AKAP6: variants seen among roughly 807,000 people sequenced by gnomAD.
AKAP6 encodes A-kinase anchoring protein 6.
A neutral mutation model predicts 188.5 loss-of-function variants in AKAP6; 58 were observed. The observed-to-expected ratio is 0.31, with a 90% CI of 0.25 to 0.38. AKAP6 has a LOEUF of 0.38. Ranked by LOEUF, AKAP6 falls within the 10% of genes least tolerant of loss-of-function variation. The pLI is 1.00. For missense variants in AKAP6, 2,710 were observed against 2,740.0 expected, an observed-to-expected ratio of 0.99 and a Z score of 0.24; for synonymous variants, 989 against 998.6, an observed-to-expected ratio of 0.99 and a Z score of 0.18.
chr14:32,598,359 T>C (rs1276290953), intron 5 of AKAP6, among the ~76,000 whole-genome samples: 1 of 152,086 alleles, frequency 6.6e-6, no homozygotes, highest in African/African-American at 2.4e-5. Context: ...GAAATGAATT[T>C]TCACCCCCCA....
At chr14:32,487,234 G>T (rs536632878) in intron 2 of AKAP6, among the ~76,000 whole-genome samples, 1 of 152,184 alleles carries the variant, frequency 6.6e-6, no homozygotes, top group Non-Finnish European at 1.5e-5. Flanking sequence ...TTTTATTGAA[G>T]ATTTTCACAT....
intron 12 of AKAP6, among the ~76,000 whole-genome samples, chr14:32,792,059 C>T (rs367684656): frequency 1.7e-4 from 26 of 152,224 alleles, no homozygotes; most frequent in South Asian, 1.7e-3. Context: ...TAGCATGATG[C>T]CTCTAGCTTT....
At chr14:32,764,904 A>G (rs563898603) in intron 11 of AKAP6, among the ~76,000 whole-genome samples, 2 of 151,522 alleles carry the variant, frequency 1.3e-5, no homozygotes, top group East Asian at 3.9e-4. Context: ...CCCAATGATT[A>G]TAGGCTATTA....
At chr14:32,796,822 C>T (rs895010317) in intron 12 of AKAP6, among the ~76,000 whole-genome samples, 2 of 152,158 alleles carry the variant, frequency 1.3e-5, no homozygotes, top group African/African-American at 2.4e-5. Context: ...ACCAAGAGAG[C>T]TTCTGCATAG....
intron 2 of AKAP6, among the ~76,000 whole-genome samples, chr14:32,488,910 C>T (rs577158925): frequency 3.3e-4 from 50 of 152,318 alleles, no homozygotes; most frequent in African/African-American, 1.2e-3. Flanking sequence ...CACCCGCCTT[C>T]TGCGTTGGTC....
At chr14:32,528,435 CTT>C (rs1205457419) in intron 2 of AKAP6, among the ~76,000 whole-genome samples, 1 of 152,034 alleles carries the variant, frequency 6.6e-6, no homozygotes, top group Non-Finnish European at 1.5e-5. Flanking sequence ...AAAAGACTGT[CTT>C]TTCTCTATTG....
intron 7 of AKAP6, among the ~76,000 whole-genome samples, chr14:32,649,844 T>C (rs888302190): frequency 3.3e-5 from 5 of 152,110 alleles, no homozygotes; most frequent in African/African-American, 1.2e-4. Flanking sequence ...GTTTGGTAAA[T>C]GGTTTTAAGT....
chr14:32,708,044 G>C (rs1890886937), intron 9 of AKAP6, among the ~76,000 whole-genome samples: 1 of 151,986 alleles, frequency 6.6e-6, no homozygotes, highest in East Asian at 1.9e-4. Context: ...TCAAACCATA[G>C]TATTCTCTGG....
At chr14:32,827,350 G>GTT (rs537878561) in intron 13 of AKAP6, among the ~76,000 whole-genome samples, 440 of 142,486 alleles carry the variant, frequency 3.1e-3, no homozygotes, top group African/African-American at 0.01. Flanking sequence ...CATTTGCTTG[G>GTT]TTTTTTTTTT....
chr14:32,757,304 C>T (rs929912338), intron 11 of AKAP6, among the ~76,000 whole-genome samples: 1 of 152,092 alleles, frequency 6.6e-6, no homozygotes, highest in Non-Finnish European at 1.5e-5. Flanking sequence ...ACTGGAAAGT[C>T]CTATTTTGCC....
intron 7 of AKAP6, among the ~76,000 whole-genome samples, chr14:32,611,651 A>G (rs927679613): frequency 2.0e-5 from 3 of 152,194 alleles, no homozygotes; most frequent in African/African-American, 7.2e-5. Context: ...GTTGGGGATT[A>G]AGTGAGAATC....
intron 5 of AKAP6, among the ~76,000 whole-genome samples, chr14:32,598,386 A>G (rs1766579528): frequency 1.3e-5 from 2 of 152,154 alleles, no homozygotes; most frequent in South Asian, 4.1e-4. Flanking sequence ...CCATTGGTTC[A>G]ATAGATTGGT....
intron 11 of AKAP6, among the ~76,000 whole-genome samples, chr14:32,744,845 T>C (rs1350118509): frequency 6.6e-6 from 1 of 152,110 alleles, no homozygotes; most frequent in Non-Finnish European, 1.5e-5. Flanking sequence ...TTTCAAATAG[T>C]CTGTCTTCAA....
At chr14:32,405,123 T>C (rs1889244994) in intron 1 of AKAP6, among the ~76,000 whole-genome samples, 1 of 152,046 alleles carries the variant, frequency 6.6e-6, no homozygotes, top group Non-Finnish European at 1.5e-5. Flanking sequence ...CCAGTGGTCC[T>C]GTATGAACCC....
intron 10 of AKAP6, 200 bp downstream of exon 10, chr14:32,732,800 C>T (rs553175295): frequency 1.7e-5 from 11 of 644,610 alleles, no homozygotes; most frequent in Admixed American, 1.2e-4. Context: ...TGAGCTTGTC[C>T]CCTCTCAGAT....
intron 1 of AKAP6, among the ~76,000 whole-genome samples, chr14:32,337,777 G>C (rs1354745759): frequency 6.7e-6 from 1 of 148,532 alleles, no homozygotes; most frequent in Admixed American, 6.8e-5. Flanking sequence ...CTGGATAACA[G>C]GATTTTTAAA....
intron 7 of AKAP6, among the ~76,000 whole-genome samples, chr14:32,611,005 A>G (rs528871256): frequency 1.3e-5 from 2 of 152,330 alleles, no homozygotes; most frequent in South Asian, 4.1e-4. Context: ...GGAAGAACTG[A>G]AAGTCAAGAC....
chr14:32,556,852 C>A (rs1883710295), intron 4 of AKAP6, among the ~76,000 whole-genome samples: 1 of 151,624 alleles, frequency 6.6e-6, no homozygotes, highest in South Asian at 2.1e-4. Context: ...GAAGTTTTTC[C>A]TCAGTGTTTT....
At chr14:32,402,992 A>G (rs956836536) in intron 1 of AKAP6, 1 of 152,288 alleles carries the variant, frequency 6.6e-6, no homozygotes, top group Non-Finnish European at 1.5e-5. Flanking sequence ...TTGGCCTCCC[A>G]AAGTGCTGGG....
Sources: gnomAD v4.1 joint callset for allele counts (sites outside exome capture counted in the v4.1 genomes callset) on GRCh38, gnomAD v4.1.1 for gene constraint, MANE v1.5 for transcripts, NCBI Gene and HGNC (gene_info 2026-07-23, HGNC 2026-07-21) for gene names.